The following SETDB2 variants were observed in gnomAD, a reference collection of about 807,000 sequenced individuals.
SETDB2 encodes histone-lysine N-methyltransferase SETDB2.
Under a neutral mutation model 82.5 loss-of-function variants are expected in SETDB2, and 56 were observed. The ratio of observed to expected loss-of-function variants is 0.68; its 90% CI spans 0.55 to 0.85. The LOEUF is 0.85. SETDB2 is among the 40% of genes least tolerant of loss of function. SETDB2 has a pLI of 0.00. For synonymous variants in SETDB2, 272 were observed against 284.9 expected (o/e 0.95, Z 0.46); for missense variants, 677 against 816.4 (o/e 0.83, Z 2.08).
chr13:49,490,866 AAC>A lies in SETDB2; in HGVS notation c.1968_1969del (p.His656GlnfsTer28), dbSNP rs748304247. Reference sequence around the variant, plus strand: ...TCTTGGTACAGAATGTTTTTGTAGAAACACACAACAGGAATTTTCCATTGGTG... The same window carrying A: ...TCTTGGTACAGAATGTTTTTGTAGAAACACAACAGGAATTTTCCATTGGTG... ...NLLVQNVFVE[T>X]HNRNFPLVAF... On this transcript the variant is annotated frameshift_variant, in exon 13 of 14. Transcript: ENST00000611815. LOFTEE classifies it high-confidence loss of function. 4.3e-6 allele frequency: 7 copies of A among 1,613,568 alleles called. No individual in the cohort carries two copies. The highest frequency in any genetic ancestry group is 2.7e-5 in the African/African-American group (2 of 74,922).
At chr13:49,480,784 A>T (rs1265538124) in intron 7 of SETDB2, among the ~76,000 whole-genome samples, 163 bp from the exon 8 acceptor site, 2 of 152,252 alleles carry the variant, frequency 1.3e-5, no homozygotes, top group African/African-American at 4.8e-5. Flanking sequence ...ATCCAAGATA[A>T]TACAGCTAGT....
rs545377042 is a variant in SETDB2, at chr13:49,488,679, A to C, written c.1917+49A>C. On this transcript the variant is annotated intron_variant, in intron 12 of 13. Coordinates refer to ENST00000611815, the MANE Select transcript of SETDB2 (RefSeq NM_001160308.3). ...TATTTCTGAACAACTGTTTTTTTCT[A>C]TGCTACTTAACAAAATTATGAGGAA... is the stretch of plus-strand genomic sequence containing the variant. 1.8e-5 allele frequency: 26 copies of C among 1,430,152 alleles called. No individual in the cohort carries two copies. The South Asian group carries it at 3.5e-4, about 19-fold the overall frequency. The allele number at this position is 1,430,152 out of a possible 1,614,324, so 88.6% of individuals were successfully genotyped here. A position where few individuals can be genotyped will look rare whatever the true frequency, so the allele number is the denominator to read the frequency against.
intron 5 of SETDB2, among the ~76,000 whole-genome samples, chr13:49,474,883 T>A (rs1037975818): frequency 1.3e-5 from 2 of 152,188 alleles, no homozygotes; most frequent in Non-Finnish European, 2.9e-5. Flanking sequence ...CTAGCTACAT[T>A]TAAAAGTGCT....
chr13:49,457,983 A>C (rs1957924158), intron 2 of SETDB2, among the ~76,000 whole-genome samples: 1 of 152,230 alleles, frequency 6.6e-6, no homozygotes, highest in South Asian at 2.1e-4. Flanking sequence ...AAACTTAACA[A>C]TAATCTATGA....
chr13:49,463,038 C>A (rs1479426980), intron 4 of SETDB2, among the ~76,000 whole-genome samples: 4 of 152,152 alleles, frequency 2.6e-5, no homozygotes, highest in Non-Finnish European at 5.9e-5. Flanking sequence ...CGAAATCTTG[C>A]TCTCTCTCCC....
intron 10 of SETDB2, 60 bp downstream of exon 10, chr13:49,483,623 T>C: frequency 2.3e-6 from 1 of 428,006 alleles, no homozygotes; most frequent in Non-Finnish European, 3.8e-6. Context: ...TTTTTTTTTT[T>C]TTTTTTTTTT....
chr13:49,455,152 C>A (rs1029580695), intron 2 of SETDB2, among the ~76,000 whole-genome samples: 1 of 152,102 alleles, frequency 6.6e-6, no homozygotes, highest in Non-Finnish European at 1.5e-5. Flanking sequence ...ATTCTTATAT[C>A]TGCTTCTACA....
chr13:49,475,605 G>C (rs899512136), intron 5 of SETDB2, among the ~76,000 whole-genome samples: 43 of 151,662 alleles, frequency 2.8e-4, no homozygotes, highest in African/African-American at 1.0e-3. Flanking sequence ...TCCCACCTCA[G>C]CCCCCGAAGT....
intron 11 of SETDB2, among the ~76,000 whole-genome samples, chr13:49,487,408 T>C (rs1958618818): frequency 6.6e-6 from 1 of 152,170 alleles, no homozygotes; most frequent in Non-Finnish European, 1.5e-5. Flanking sequence ...GGATCATAGC[T>C]CACTGTACCT....
intron 2 of SETDB2, among the ~76,000 whole-genome samples, chr13:49,454,137 C>A (rs1002054033): frequency 6.6e-6 from 1 of 151,984 alleles, no homozygotes; most frequent in Non-Finnish European, 1.5e-5. Flanking sequence ...AATTGTTAAC[C>A]CTTGACTGGG....
intron 4 of SETDB2, among the ~76,000 whole-genome samples, chr13:49,463,712 A>G (rs546003724): frequency 1.3e-5 from 2 of 152,118 alleles, no homozygotes; most frequent in South Asian, 4.1e-4. Flanking sequence ...CAGATGGCTC[A>G]TGACCTTCAC....
chr13:49,464,660 A>G (rs1958065300), intron 4 of SETDB2, among the ~76,000 whole-genome samples: 1 of 152,226 alleles, frequency 6.6e-6, no homozygotes. Context: ...GCATCAAGAT[A>G]AGAGTATATT....
Position 49,469,156 on chromosome 13 carries a change from C to T in SETDB2, c.305+1196C>T, listed in dbSNP as rs145401146. On this transcript the variant is annotated intron_variant, in intron 5 of 13. Coordinates refer to ENST00000611815, the MANE Select transcript of SETDB2 (RefSeq NM_001160308.3). ...ATATTTTTTGTCCCTTTTAGCTTAT[C>T]ATCTTGTACAAATAAATAAGCTTTC... Among the ~76,000 whole-genome samples the T allele has an allele frequency of 8.2e-3, 1,255 of 152,208 alleles. 6 individuals carry two copies. The highest frequency in any genetic ancestry group is 0.013 in the Non-Finnish European group (908 of 67,988).
intron 6 of SETDB2, among the ~76,000 whole-genome samples, chr13:49,477,489 A>G (rs916534827): frequency 6.6e-6 from 1 of 152,300 alleles, no homozygotes; most frequent in Middle Eastern, 3.4e-3. Context: ...GAACTCTGTC[A>G]CTAGCAGTAG....
intron 2 of SETDB2, among the ~76,000 whole-genome samples, chr13:49,453,112 T>C (rs953870765): frequency 6.6e-6 from 1 of 152,190 alleles, no homozygotes; most frequent in African/African-American, 2.4e-5. Flanking sequence ...TTGGAATATT[T>C]CTGCAGGGGA....
intron 10 of SETDB2, 45 bp downstream of exon 10, chr13:49,483,608 AATTTTTTT>A (rs1262768352): frequency 3.1e-5 from 15 of 490,646 alleles, no homozygotes; most frequent in South Asian, 7.9e-5. Flanking sequence ...TTCTTTTTTA[AATTTTTTT>A]TTTTTTTTTT....
intron 10 of SETDB2, 29 bp downstream of exon 10, chr13:49,483,592 C>T: frequency 1.4e-6 from 1 of 736,246 alleles, no homozygotes; most frequent in South Asian, 2.0e-5. Flanking sequence ...AGTTGGGACC[C>T]TTCTTTTCTT....
intron 1 of SETDB2, among the ~76,000 whole-genome samples, chr13:49,449,312 G>A (rs550555397): frequency 3.3e-5 from 5 of 152,086 alleles, no homozygotes; most frequent in East Asian, 1.9e-4. Context: ...GTACAGTGGC[G>A]TGATCTCGGC....
intron 2 of SETDB2, among the ~76,000 whole-genome samples, chr13:49,456,204 AT>A (rs1471913176): frequency 3.9e-5 from 6 of 152,148 alleles, no homozygotes; most frequent in Non-Finnish European, 7.4e-5. Context: ...CCAATACCCT[AT>A]AAGCCCCTTA....
Sources: allele counts gnomAD v4.1 joint callset (sites outside exome capture counted in the v4.1 genomes callset), GRCh38; gene constraint gnomAD v4.1.1; transcripts MANE v1.5; gene names NCBI Gene and HGNC (gene_info 2026-07-23, HGNC 2026-07-21).